The following ARHGEF18 variants were observed in gnomAD, a reference collection of about 807,000 sequenced individuals.
ARHGEF18 encodes the protein Rho/Rac guanine nucleotide exchange factor 18.
ARHGEF18 carries 93 observed loss-of-function variants against 155.7 expected under a neutral mutation model. That is an observed-to-expected ratio of 0.60 (90% CI 0.50 to 0.71). The LOEUF (loss-of-function observed/expected upper bound fraction) is 0.71. ARHGEF18 is among the 30% of genes least tolerant of loss of function. The probability of loss-of-function intolerance (pLI) is 0.00; values close to 1 mark genes in which losing one functional copy is unlikely to be tolerated. For synonymous variants in ARHGEF18, 742 were observed against 753.1 expected (o/e 0.99, Z 0.24); for missense variants, 1,593 against 1,816.1 (o/e 0.88, Z 2.23).
intron 10 of ARHGEF18, among the ~76,000 whole-genome samples, chr19:7,400,081 AT>A (rs1486971164): frequency 6.6e-6 from 1 of 152,050 alleles, no homozygotes; most frequent in African/African-American, 2.4e-5. Context: ...TCATACACTG[AT>A]TTATGGTCAT....
intron 10 of ARHGEF18, among the ~76,000 whole-genome samples, chr19:7,407,961 CAAAAAAAAA>C (rs71179104): frequency 1.0e-4 from 5 of 48,790 alleles, no homozygotes; most frequent in African/African-American, 3.1e-4. Flanking sequence ...GACTCCGTCT[CAAAAAAAAA>C]AAAAAAAAAA....
At chr19:7,382,206 C>A (rs1970778943) in intron 8 of ARHGEF18, among the ~76,000 whole-genome samples, 1 of 151,834 alleles carries the variant, frequency 6.6e-6, no homozygotes, top group African/African-American at 2.4e-5. Context: ...TAAGCCTGGC[C>A]AACACGGTGA....
chr19:7,466,804 C>CAAAA (rs965666634), intron 23 of ARHGEF18, 114 bp from the exon 24 acceptor site: 12,971 of 487,732 alleles, frequency 0.027, 147 homozygotes, highest in African/African-American at 0.086. Flanking sequence ...AATTCCGTCT[C>CAAAA]AAAAAAAAAA....
chr19:7,439,835 C>T, intron 10 of ARHGEF18: 1 of 1,441,752 alleles, frequency 6.9e-7, no homozygotes, highest in Non-Finnish European at 9.1e-7. Context: ...TCAAACAGCT[C>T]ACTTGCTTTT....
intron 10 of ARHGEF18, among the ~76,000 whole-genome samples, chr19:7,391,058 A>T (rs1484583907): frequency 6.6e-6 from 1 of 152,016 alleles, no homozygotes; most frequent in African/African-American, 2.4e-5. Flanking sequence ...AATAAATAAA[A>T]TAAAAATAAA....
chr19:7,374,811 T>G (rs1456725014), intron 3 of ARHGEF18, among the ~76,000 whole-genome samples: 1 of 152,162 alleles, frequency 6.6e-6, no homozygotes, highest in Admixed American at 6.5e-5. Context: ...TTAAACGTGA[T>G]CTGCATACTG....
intron 2 of ARHGEF18, among the ~76,000 whole-genome samples, chr19:7,364,167 TGGGTGAATGGATAGATGAGAAGAC>T (rs1425350638): frequency 6.9e-6 from 1 of 145,320 alleles, no homozygotes; most frequent in Non-Finnish European, 1.5e-5. Context: ...GGATAACGGA[TGGGTGAATGGATAGATGAGAAGAC>T]GGGTGAGTGG....
Position 7,379,147 on chromosome 19 carries a change from G to C in ARHGEF18, c.625G>C (p.Glu209Gln). The part of the protein sequence containing the change: ...HVLIVQQVLQ[E>Q]LRQYHGARQR... ...GCTGATTGTCCAGCAGGTGCTTCAA[G>C]AACTTCGACAGTACCATGGGTAAGT... The change falls in exon 7 of 29, where the codon GAA becomes CAA. Residue 209 changes from glutamate to glutamine, a missense_variant. Glu to Gln is a conservative substitution (Grantham distance 29, BLOSUM62 2). Transcript: ENST00000668164. The C allele has an allele frequency of 1.6e-6, 2 of 1,232,640 alleles. No individual in the cohort carries two copies. Among genetic ancestry groups the C allele is most frequent in the Non-Finnish European group, 1.0e-6 (1 of 988,404 alleles). 76.4% of individuals were successfully genotyped at this position (1,232,640 alleles called of 1,614,324 possible).
At chr19:7,417,311 G>A (rs1049675610) in intron 10 of ARHGEF18, among the ~76,000 whole-genome samples, 1 of 152,180 alleles carries the variant, frequency 6.6e-6, no homozygotes, top group Non-Finnish European at 1.5e-5. Context: ...CACTTTGGGA[G>A]GCAGAGGGAG....
downstream of ARHGEF18, chr19:7,477,357 C>G (rs201484351): frequency 6.4e-7 from 1 of 1,557,520 alleles, no homozygotes; most frequent in African/African-American, 1.4e-5. Flanking sequence ...TTGGCCAGGT[C>G]GGCCAGGTTG....
chr19:7,434,020 TAAA>T (rs74939736), intron 10 of ARHGEF18, among the ~76,000 whole-genome samples: 3 of 82,204 alleles, frequency 3.6e-5, no homozygotes, highest in Non-Finnish European at 7.2e-5. Flanking sequence ...TCTGTCTCAT[TAAA>T]AAAAAAAAAA....
chr19:7,458,734 G>A lies in ARHGEF18; in HGVS notation c.2360+44G>A, dbSNP rs751288322. 39 of 1,568,478 alleles carry A rather than the reference G, an allele frequency of 2.5e-5. 2 individuals are homozygous for A. The highest frequency in any genetic ancestry group is 1.9e-4 in the South Asian group (16 of 86,142). On this transcript the variant is annotated intron_variant, in intron 19 of 28. Coordinates refer to ENST00000668164, the MANE Select transcript of ARHGEF18 (RefSeq NM_001367823.1). ...TCTCCCCACCCACTGTGTTCCTTCC[G>A]CTGATTGGTCCACCCTTGGCTTCGA... is the stretch of plus-strand genomic sequence containing the variant.
In ARHGEF18 at chr19:7,444,102, C is replaced by A; in HGVS notation, c.1361-102C>A. 6.7e-7 allele frequency: 1 copy of A among 1,482,828 alleles called. No individual in the cohort carries two copies. The highest frequency in any genetic ancestry group is 9.2e-7 in the Non-Finnish European group (1 of 1,090,824). The allele number at this position is 1,482,828 out of a possible 1,614,324, so 91.9% of individuals were successfully genotyped here. On this transcript the variant is annotated intron_variant, in intron 13 of 28. Coordinates refer to ENST00000668164, the MANE Select transcript of ARHGEF18 (RefSeq NM_001367823.1). The surrounding 1 kb of genome is among the most constrained non-coding windows in gnomAD (Gnocchi z 4.7). Reference sequence around the variant, plus strand: ...GGCACAAGGTCTTAGGCAGAGAACTCTCAGAAGCCAGTTCAGCACGTGAAG... The same window carrying A: ...GGCACAAGGTCTTAGGCAGAGAACTATCAGAAGCCAGTTCAGCACGTGAAG...
intron 1 of ARHGEF18, among the ~76,000 whole-genome samples, chr19:7,358,312 AC>A (rs1969408778): frequency 7.0e-6 from 1 of 141,972 alleles, no homozygotes. Context: ...CATCCATCCA[AC>A]CATCCATCCA....
chr19:7,394,983 GC>G, intron 10 of ARHGEF18: 1 of 924,224 alleles, frequency 1.1e-6, no homozygotes, highest in Non-Finnish European at 1.3e-6. Flanking sequence ...CCGAGCCGAC[GC>G]CCCCTCACCA....
chr19:7,378,327 C>G lies in ARHGEF18; in HGVS notation c.542-67C>G, dbSNP rs1970559756. Reference sequence around the variant, plus strand: ...GCCCAGGGTGGCATCCGGGAGGGCTCTGCTGGGCTGGTCCTGTCCCAGAGC... The same window carrying G: ...GCCCAGGGTGGCATCCGGGAGGGCTGTGCTGGGCTGGTCCTGTCCCAGAGC... On this transcript the variant is annotated intron_variant, in intron 5 of 28. Transcript: ENST00000668164. 6.7e-6 allele frequency: 8 copies of G among 1,201,252 alleles called. No individual in the cohort carries two copies. In the South Asian group the frequency reaches 3.0e-4, roughly 44 times the overall value. 74.4% of individuals were successfully genotyped at this position (1,201,252 alleles called of 1,614,324 possible).
intron 17 of ARHGEF18, 134 bp downstream of exon 17, chr19:7,453,849 C>T: frequency 8.1e-7 from 1 of 1,234,726 alleles, no homozygotes; most frequent in Non-Finnish European, 1.1e-6. Context: ...GAGGTGGTCA[C>T]CATCTTGGAT....
chr19:7,368,936 G>A (rs1190735082), intron 2 of ARHGEF18, among the ~76,000 whole-genome samples: 1 of 151,002 alleles, frequency 6.6e-6, no homozygotes, highest in Non-Finnish European at 1.5e-5. Flanking sequence ...CGCAGAGGAG[G>A]AGTCAGCAGG....
downstream of ARHGEF18, chr19:7,477,007 C>A: frequency 2.3e-6 from 1 of 440,694 alleles, no homozygotes; most frequent in Non-Finnish European, 3.9e-6. Flanking sequence ...CCTGCACGGC[C>A]CCTGAAAACT....
Sources: allele counts gnomAD v4.1 joint callset (sites outside exome capture counted in the v4.1 genomes callset), GRCh38; gene constraint gnomAD v4.1.1; non-coding constraint Gnocchi (gnomAD v3.1); transcripts MANE v1.5; gene names NCBI Gene and HGNC (gene_info 2026-07-23, HGNC 2026-07-21).